The following SBF2 variants were observed in gnomAD, a reference collection of about 807,000 sequenced individuals.
SBF2 encodes the protein SET binding factor 2, also known as myotubularin-related protein 13.
In SBF2, 112 loss-of-function variants were observed where a neutral mutation model predicts 225.2. The observed-to-expected ratio is 0.50, with a 90% confidence interval of 0.43 to 0.58. The LOEUF is 0.58. Among genes scored for constraint, SBF2 ranks in the 20% least tolerant of loss-of-function variants. The pLI is 0.00. For synonymous variants in SBF2, 763 were observed against 773.3 expected (o/e 0.99, Z 0.22); for missense variants, 1,996 against 2,206.2 (o/e 0.90, Z 1.91).
rs1274026638 is a variant in SBF2 at position 10,294,168 on chromosome 11, A to G, written c.-99T>C. Reference sequence around the variant, plus strand: ...GGCTCAGCATTTTCCCTGCAGCGGCAGTAGCGGCAGCGGCAGCGCTTCAGC... The same window carrying G: ...GGCTCAGCATTTTCCCTGCAGCGGCGGTAGCGGCAGCGGCAGCGCTTCAGC... On this transcript the variant is annotated 5_prime_UTR_variant, in exon 1 of 40. Transcript: ENST00000256190. The G allele has an allele frequency of 3.3e-6, 3 of 917,306 alleles. No homozygotes were observed. Among genetic ancestry groups the G allele is most frequent in the African/African-American group, 1.7e-5 (1 of 57,368 alleles). The allele number at this position is 917,306 out of a possible 1,614,324, so 56.8% of individuals were successfully genotyped here.
chr11:9,892,621 G>A (rs867060558), intron 17 of SBF2, among the ~76,000 whole-genome samples: 30 of 151,300 alleles, frequency 2.0e-4, no homozygotes, highest in African/African-American at 7.3e-4. Flanking sequence ...GTACAATGGT[G>A]CGCTCTCGGT....
chr11:9,980,639 T>G (rs762784480), intron 13 of SBF2, among the ~76,000 whole-genome samples: 19 of 151,866 alleles, frequency 1.3e-4, no homozygotes, highest in Non-Finnish European at 2.6e-4. Context: ...CAGGCTGGAG[T>G]GCAGTGGCGA....
At chr11:10,135,227 G>A (rs1380306596) in intron 2 of SBF2, among the ~76,000 whole-genome samples, 1 of 152,198 alleles carries the variant, frequency 6.6e-6, no homozygotes, top group Non-Finnish European at 1.5e-5. Context: ...AGGGCACCAA[G>A]TCCCTAGACT....
chr11:10,209,413 A>G (rs1406035465), intron 1 of SBF2, among the ~76,000 whole-genome samples: 1 of 151,906 alleles, frequency 6.6e-6, no homozygotes, highest in East Asian at 1.9e-4. Context: ...TTTTCTGCTC[A>G]ACTCTTCTCT....
chr11:10,200,514 T>A (rs982879617), intron 1 of SBF2, among the ~76,000 whole-genome samples: 1 of 152,232 alleles, frequency 6.6e-6, no homozygotes. Flanking sequence ...GGAGTTACTT[T>A]TGAATGAAAC....
chr11:10,093,283 G>A (rs369298423), intron 2 of SBF2, among the ~76,000 whole-genome samples: 3 of 151,602 alleles, frequency 2.0e-5, no homozygotes, highest in African/African-American at 7.2e-5. Context: ...CCAAAGTGCT[G>A]GGATTATAGG....
upstream of SBF2, among the ~76,000 whole-genome samples, chr11:10,294,971 A>G (rs1414468073): frequency 2.0e-5 from 3 of 152,216 alleles, no homozygotes; most frequent in East Asian, 5.8e-4. Context: ...AAAAATGAAT[A>G]GATGGTCCCG....
intron 16 of SBF2, among the ~76,000 whole-genome samples, chr11:9,949,426 A>G (rs1394475357): frequency 6.6e-6 from 1 of 152,172 alleles, no homozygotes; most frequent in Non-Finnish European, 1.5e-5. Flanking sequence ...TTCATTAACT[A>G]CAAGGGTTGC....
intron 17 of SBF2, 83 bp from the exon 18 acceptor site, chr11:9,858,479 T>C (rs563516722): frequency 3.2e-5 from 42 of 1,332,752 alleles, no homozygotes; most frequent in African/African-American, 1.4e-4. Flanking sequence ...CAGTTAATCA[T>C]AGATGAGATC....
chr11:9,857,841 T>A (rs181463453), intron 18 of SBF2, among the ~76,000 whole-genome samples: 12 of 152,342 alleles, frequency 7.9e-5, no homozygotes, highest in Non-Finnish European at 1.3e-4. Context: ...GGCATTTTTT[T>A]AATACAACTA....
chr11:9,827,633 T>G (rs1855149071), intron 28 of SBF2, among the ~76,000 whole-genome samples: 1 of 152,240 alleles, frequency 6.6e-6, no homozygotes, highest in Admixed American at 6.5e-5. Context: ...TTTTGGAGCT[T>G]AAAAGAATGA....
rs539134868 is a variant in SBF2, at chr11:9,901,630, A to G, written c.1861-5619T>C. Among the ~76,000 whole-genome samples the G allele has an allele frequency of 5.7e-4, 87 of 152,248 alleles. No homozygotes were observed. The Middle Eastern group carries it at 0.01, about 18-fold the overall frequency. The stretch of plus-strand genomic sequence containing the variant: ...TAAGTCATACCCTATAAACCATAAA[A>G]TCTCATTAAATGGGTTTTTTTTAAA... On this transcript the variant is annotated intron_variant, in intron 16 of 39. Transcript: ENST00000256190.
At chr11:10,071,215 G>C (rs1950852514) in intron 2 of SBF2, among the ~76,000 whole-genome samples, 1 of 151,494 alleles carries the variant, frequency 6.6e-6, no homozygotes, top group Admixed American at 6.6e-5. Flanking sequence ...GAAGTGGTGA[G>C]AGAGGGCATC....
intron 2 of SBF2, among the ~76,000 whole-genome samples, chr11:10,090,655 C>T (rs1951743842): frequency 6.6e-6 from 1 of 151,494 alleles, no homozygotes; most frequent in African/African-American, 2.4e-5. Context: ...GTCCCAGCTA[C>T]TCAGGAGGCT....
intron 1 of SBF2, among the ~76,000 whole-genome samples, chr11:10,197,662 A>G (rs543549037): frequency 6.6e-6 from 1 of 152,304 alleles, no homozygotes; most frequent in African/African-American, 2.4e-5. Flanking sequence ...ATTTATCCAT[A>G]GCATGCAATG....
At chr11:9,982,293 GTCTAA>G (rs2134436777) in intron 13 of SBF2, among the ~76,000 whole-genome samples, 1 of 152,292 alleles carries the variant, frequency 6.6e-6, no homozygotes, top group African/African-American at 2.4e-5. Flanking sequence ...TCTCCAGTGA[GTCTAA>G]TCTTTATGTC....
intron 32 of SBF2, among the ~76,000 whole-genome samples, chr11:9,805,650 C>T (rs1052258988): frequency 1.3e-5 from 2 of 152,034 alleles, no homozygotes; most frequent in Admixed American, 6.6e-5. Flanking sequence ...CAAGACGGAG[C>T]CTCGCTCTGT....
chr11:9,922,333 T>C (rs866745474), intron 16 of SBF2, among the ~76,000 whole-genome samples: 6 of 152,204 alleles, frequency 3.9e-5, no homozygotes, highest in Non-Finnish European at 2.9e-5. Flanking sequence ...GGAAGATGAA[T>C]AGTCTATTTG....
chr11:9,921,220 G>A lies in SBF2; in HGVS notation c.1861-25209C>T, dbSNP rs112410370. On this transcript the variant is annotated intron_variant, in intron 16 of 39. Coordinates refer to ENST00000256190, the MANE Select transcript of SBF2 (RefSeq NM_030962.4). ...CAAGTAGATGGGATTACAGGCATACGCCACCATGCCCGGCTAATTTTGTAT... is the reference window on the plus strand; with the variant it reads ...CAAGTAGATGGGATTACAGGCATACACCACCATGCCCGGCTAATTTTGTAT... Among the ~76,000 whole-genome samples the A allele has an allele frequency of 8.1e-3, 1,230 of 151,936 alleles. 21 individuals carry two copies. Among genetic ancestry groups the A allele is most frequent in the African/African-American group, 0.028 (1,144 of 41,460 alleles).
Sources: gnomAD v4.1 joint callset for allele counts (sites outside exome capture counted in the v4.1 genomes callset) on GRCh38, gnomAD v4.1.1 for gene constraint, MANE v1.5 for transcripts, NCBI Gene and HGNC (gene_info 2026-07-23, HGNC 2026-07-21) for gene names.